The following ZSWIM6 variants were observed in gnomAD, a reference collection of about 807,000 sequenced individuals.
ZSWIM6 encodes the protein zinc finger SWIM-type containing 6.
A neutral mutation model predicts 113.2 loss-of-function variants in ZSWIM6; 9 were observed. The observed-to-expected ratio is 0.08, with a 90% confidence interval of 0.05 to 0.14. ZSWIM6 has a LOEUF of 0.14. Among genes scored for constraint, ZSWIM6 ranks in the 10% least tolerant of loss-of-function variants. ZSWIM6 has a pLI of 1.00. For synonymous variants in ZSWIM6, 611 were observed against 606.5 expected (o/e 1.01, Z -0.11); for missense variants, 1,162 against 1,552.2 (o/e 0.75, Z 4.22).
rs767625288 is a variant in ZSWIM6 at position 61,535,455 on chromosome 5, C to A, written c.2246-29C>A. 37 of 1,548,080 alleles carry A rather than the reference C, an allele frequency of 2.4e-5. No individual in the cohort carries two copies. In the East Asian group the frequency reaches 4.4e-4, roughly 18 times the overall value. On this transcript the variant is annotated intron_variant, in intron 9 of 13. Transcript: ENST00000252744. ...GAAGTGTTAGTTCATTTTTTAGGAA[C>A]GTAAAATGTGTATGCTCTCTTCCCA... is the stretch of plus-strand genomic sequence containing the variant.
chr5:61,441,429 A>T (rs1377676332), intron 1 of ZSWIM6, among the ~76,000 whole-genome samples: 1 of 152,196 alleles, frequency 6.6e-6, no homozygotes, highest in African/African-American at 2.4e-5. Flanking sequence ...AATAAGCTCA[A>T]TCTTTGCCTT....
intron 2 of ZSWIM6, among the ~76,000 whole-genome samples, chr5:61,482,890 A>G (rs776061369): frequency 8.3e-5 from 12 of 144,346 alleles, no homozygotes; most frequent in Admixed American, 6.2e-4. Flanking sequence ...CTCAACTGGT[A>G]TGTAGACTTT....
chr5:61,373,703 A>C (rs1745312602), intron 1 of ZSWIM6, among the ~76,000 whole-genome samples: 1 of 152,124 alleles, frequency 6.6e-6, no homozygotes, highest in Admixed American at 6.5e-5. Context: ...CACCATTCTT[A>C]AGGCCAAAGT....
chr5:61,486,870 T>A (rs1748033878), intron 2 of ZSWIM6, among the ~76,000 whole-genome samples: 1 of 152,178 alleles, frequency 6.6e-6, no homozygotes, highest in African/African-American at 2.4e-5. Context: ...AAATATTTTC[T>A]TCCATTCTGC....
intron 1 of ZSWIM6, among the ~76,000 whole-genome samples, chr5:61,454,586 T>C (rs867331718): frequency 4.7e-5 from 6 of 128,740 alleles, no homozygotes; most frequent in African/African-American, 1.8e-4. Context: ...TTTTTTTTTT[T>C]CTTTTCGAGA....
intron 1 of ZSWIM6, among the ~76,000 whole-genome samples, chr5:61,463,853 C>T (rs374503145): frequency 6.6e-5 from 10 of 152,226 alleles, no homozygotes; most frequent in African/African-American, 2.2e-4. Flanking sequence ...GATGTACTTT[C>T]GAGGGCCTGG....
At chr5:61,356,685 TATA>T (rs1744914334) in intron 1 of ZSWIM6, among the ~76,000 whole-genome samples, 1 of 141,904 alleles carries the variant, frequency 7.0e-6, no homozygotes, top group Non-Finnish European at 1.5e-5. Context: ...TAACATAATA[TATA>T]ATATACATAT....
At chr5:61,347,635 G>A (rs1026856645) in intron 1 of ZSWIM6, 7 of 152,216 alleles carry the variant, frequency 4.6e-5, no homozygotes, top group African/African-American at 1.4e-4. Context: ...AGCTGTGCGT[G>A]CTTATGAAAA....
intron 1 of ZSWIM6, among the ~76,000 whole-genome samples, chr5:61,370,928 C>T (rs1387250212): frequency 6.6e-6 from 1 of 152,092 alleles, no homozygotes; most frequent in Non-Finnish European, 1.5e-5. Flanking sequence ...CATATGTTTG[C>T]GTATTCATTG....
intron 1 of ZSWIM6, among the ~76,000 whole-genome samples, chr5:61,410,362 T>G (rs1241285589): frequency 6.8e-5 from 10 of 147,420 alleles, no homozygotes; most frequent in African/African-American, 2.5e-4. Flanking sequence ...CAGGCTGGAG[T>G]GCAGTGGTGC....
At chr5:61,386,297 T>C (rs1463087828) in intron 1 of ZSWIM6, among the ~76,000 whole-genome samples, 1 of 152,240 alleles carries the variant, frequency 6.6e-6, no homozygotes, top group African/African-American at 2.4e-5. Flanking sequence ...GTGATTTGCC[T>C]TTGCTTTGTA....
intron 1 of ZSWIM6, among the ~76,000 whole-genome samples, chr5:61,447,030 A>G (rs1449954085): frequency 1.3e-5 from 2 of 152,104 alleles, no homozygotes; most frequent in Non-Finnish European, 2.9e-5. Flanking sequence ...TAGGTGTTTG[A>G]TTTTTAAAGG....
chr5:61,500,189 C>T (rs1040171582), intron 4 of ZSWIM6, among the ~76,000 whole-genome samples: 4 of 151,244 alleles, frequency 2.6e-5, no homozygotes, highest in East Asian at 1.9e-4. Context: ...TTCAGTAGTG[C>T]GATCACGGCT....
Position 61,374,679 on chromosome 5 carries a change from G to T in ZSWIM6, c.676+41731G>T, listed in dbSNP as rs988572666. On this transcript the variant is annotated intron_variant, in intron 1 of 13. Coordinates refer to ENST00000252744, the MANE Select transcript of ZSWIM6 (RefSeq NM_020928.2). ...CGCCATTCTCCTGCCTCAGCCTCCC[G>T]AGTAGCTGGGACTACAGGCGCTCGC... 2.6e-5 allele frequency among the ~76,000 whole-genome samples: 4 copies of T among 152,092 alleles called. No individual in the cohort carries two copies. In the East Asian group the frequency reaches 7.7e-4, roughly 29 times the overall value.
At chr5:61,451,041 GACC>G (rs1195162091) in intron 1 of ZSWIM6, among the ~76,000 whole-genome samples, 1 of 152,212 alleles carries the variant, frequency 6.6e-6, no homozygotes, top group Non-Finnish European at 1.5e-5. Flanking sequence ...CCTGAAGACT[GACC>G]ATCTGGCTAG....
At chr5:61,536,137 C>T (rs899496004) in intron 10 of ZSWIM6, among the ~76,000 whole-genome samples, 5 of 152,214 alleles carry the variant, frequency 3.3e-5, no homozygotes, top group South Asian at 2.1e-4. Flanking sequence ...GTGAAGGAGT[C>T]GCTATTCGGG....
At chr5:61,373,636 C>T (rs1359495464) in intron 1 of ZSWIM6, among the ~76,000 whole-genome samples, 1 of 152,102 alleles carries the variant, frequency 6.6e-6, no homozygotes, top group Non-Finnish European at 1.5e-5. Flanking sequence ...ACCAAATGAT[C>T]TTTAAAAATC....
chr5:61,356,745 A>G (rs913232126), intron 1 of ZSWIM6, among the ~76,000 whole-genome samples: 1 of 139,328 alleles, frequency 7.2e-6, no homozygotes, highest in Admixed American at 7.6e-5. Flanking sequence ...TATATTATAT[A>G]TATATATTAT....
chr5:61,488,746 A>G (rs1748096134), intron 2 of ZSWIM6, among the ~76,000 whole-genome samples: 2 of 151,814 alleles, frequency 1.3e-5, no homozygotes, highest in Admixed American at 6.6e-5. Context: ...AATTGCCTGA[A>G]AAGTGGTACA....
Sources: gnomAD v4.1 joint callset for allele counts (sites outside exome capture counted in the v4.1 genomes callset) on GRCh38, gnomAD v4.1.1 for gene constraint, MANE v1.5 for transcripts, NCBI Gene and HGNC (gene_info 2026-07-23, HGNC 2026-07-21) for gene names.